Variants in RASEF observed in about 807,000 individuals in gnomAD.
The protein encoded by RASEF is RAS and EF-hand domain containing.
RASEF carries 68 observed loss-of-function variants against 90.1 expected under a neutral mutation model. The ratio of observed to expected loss-of-function variants is 0.75; its 90% CI spans 0.62 to 0.92. RASEF has a LOEUF of 0.92. Ranked by LOEUF, RASEF falls within the 40% of genes least tolerant of loss-of-function variation. The pLI, the probability that RASEF is intolerant of heterozygous loss-of-function variation, is 0.00. For synonymous variants in RASEF, 331 were observed against 345.2 expected (o/e 0.96, Z 0.46); for missense variants, 949 against 937.2 (o/e 1.01, Z -0.16).
chr9:83,174,833 T>C, the RASEF span, among the ~76,000 whole-genome samples: 1 of 152,194 alleles, frequency 6.6e-6, no homozygotes, highest in Non-Finnish European at 1.5e-5. Context: ...CTACTTTGCA[T>C]TTATTTTGTT....
the RASEF span, among the ~76,000 whole-genome samples, chr9:83,154,669 C>A: frequency 2.0e-5 from 3 of 152,226 alleles, no homozygotes; most frequent in Non-Finnish European, 4.4e-5. Flanking sequence ...TTGGCCATCT[C>A]TCTTTCTACC....
At chr9:83,194,675 AT>A in the RASEF span, among the ~76,000 whole-genome samples, 1 of 152,220 alleles carries the variant, frequency 6.6e-6, no homozygotes, top group East Asian at 1.9e-4. Context: ...TGTAGGAAAG[AT>A]TTATCTCTTC....
rs555179340 is a variant in RASEF, at chr9:83,031,131, CTT to C, written c.432-5212_432-5211del. Among the ~76,000 whole-genome samples, 553 of 152,318 alleles carry C rather than the reference CTT, an allele frequency of 3.6e-3. 2 individuals carry two copies. The highest frequency in any genetic ancestry group is 6.1e-3 in the Non-Finnish European group (413 of 68,014). On this transcript the variant is annotated intron_variant, in intron 1 of 16. Coordinates refer to ENST00000376447, the MANE Select transcript of RASEF (RefSeq NM_152573.4). ...TTGCATGAAGCCAGTAAGACTTGTT[CTT>C]TGTTACAAAGCCAGTTCTTTGTTAC...
intron 15 of RASEF, 54 bp downstream of exon 15, chr9:82,992,852 C>A: frequency 6.3e-7 from 1 of 1,584,834 alleles, no homozygotes; most frequent in Non-Finnish European, 8.6e-7. Context: ...CCACCGACTT[C>A]AAAGCCATTA....
In RASEF at chr9:83,025,755, T is replaced by A. The variant is rs549773221; in HGVS notation, c.578+20A>T. On this transcript the variant is annotated intron_variant, in intron 2 of 16. Coordinates refer to ENST00000376447, the MANE Select transcript of RASEF (RefSeq NM_152573.4). ...AGTTAAAGCACCCACAGGCCACTTA[T>A]AAAGGAAGGACTTCAATACCTCTTC... The A allele has an allele frequency of 1.2e-6, 2 of 1,611,024 alleles. No homozygotes were observed. Among genetic ancestry groups the A allele is most frequent in the African/African-American group, 2.7e-5 (2 of 74,874 alleles).
chr9:83,181,271 TA>T, the RASEF span, among the ~76,000 whole-genome samples: 1 of 151,856 alleles, frequency 6.6e-6, no homozygotes, highest in Non-Finnish European at 1.5e-5. Flanking sequence ...AAGAGTCACT[TA>T]AAGAGAAGGG....
chr9:83,156,453 G>A, the RASEF span, among the ~76,000 whole-genome samples: 3 of 152,254 alleles, frequency 2.0e-5, no homozygotes, highest in Admixed American at 2.0e-4. Flanking sequence ...TACCAGTGGT[G>A]GAATGCCCAG....
chr9:83,037,385 C>T (rs567744795), intron 1 of RASEF, among the ~76,000 whole-genome samples: 1 of 151,836 alleles, frequency 6.6e-6, no homozygotes, highest in South Asian at 2.1e-4. Flanking sequence ...ATGGAATCAA[C>T]GTTCAGGAAG....
chr9:83,079,456 A>G, the RASEF span, among the ~76,000 whole-genome samples: 2 of 152,120 alleles, frequency 1.3e-5, no homozygotes, highest in African/African-American at 4.8e-5. Context: ...GCCTTGTAGT[A>G]TAGTTTGAAG....
rs1829017865 is a variant in RASEF, at chr9:83,000,720, C to T, written c.1438-150G>A. On this transcript the variant is annotated intron_variant, in intron 10 of 16. Transcript: ENST00000376447. ...ATTAATATTAGGGAATAGAGTGACA[C>T]TGAATGGCAATCTATGAGAATTTCT... 4.4e-6 allele frequency: 4 copies of T among 911,902 alleles called. No individual in the cohort carries two copies. The South Asian group carries it at 7.1e-5, about 16-fold the overall frequency. 56.5% of individuals were successfully genotyped at this position (911,902 alleles called of 1,614,324 possible). A position where few individuals can be genotyped will look rare whatever the true frequency, so the allele number is the denominator to read the frequency against.
At chr9:83,177,838 TA>T in the RASEF span, among the ~76,000 whole-genome samples, 5 of 152,072 alleles carry the variant, frequency 3.3e-5, no homozygotes, top group Admixed American at 1.3e-4. Context: ...TTTCTTCTAA[TA>T]TTTTTTCTAG....
At chr9:83,185,178 T>C in the RASEF span, among the ~76,000 whole-genome samples, 1 of 152,084 alleles carries the variant, frequency 6.6e-6, no homozygotes, top group African/African-American at 2.4e-5. Context: ...TTTTTAATGA[T>C]AAAAATAATT....
chr9:82,998,193 GAAT>G (rs1174718208), intron 13 of RASEF, among the ~76,000 whole-genome samples, 169 bp downstream of exon 13: 1 of 152,142 alleles, frequency 6.6e-6, no homozygotes, highest in Non-Finnish European at 1.5e-5. Flanking sequence ...AGATGTGCGA[GAAT>G]ATAAGCATTT....
chr9:83,055,415 C>G, intron 1 of RASEF: 1 of 583,878 alleles, frequency 1.7e-6, no homozygotes, highest in South Asian at 1.8e-5. Flanking sequence ...GCGCACGGTG[C>G]GCGCACACAC....
In RASEF at chr9:82,981,691, T is replaced by G. The variant is rs141489767; in HGVS notation, c.*986A>C. ...GTACATTCAAACAGTTATACAACTA[T>G]CACCACTATTCCAATTCCAGAACAT... On this transcript the variant is annotated 3_prime_UTR_variant, in exon 17 of 17. Transcript: ENST00000376447. 2 of 152,298 alleles carry G rather than the reference T, an allele frequency of 1.3e-5. No individual in the cohort carries two copies. The highest frequency in any genetic ancestry group is 3.9e-4 in the East Asian group (2 of 5,178). The allele number at this position is 152,298 out of a possible 1,614,324, so 9.4% of individuals were successfully genotyped here.
intron 12 of RASEF, 133 bp downstream of exon 12, chr9:83,000,035 AC>A (rs1485960695): frequency 3.2e-6 from 2 of 628,852 alleles, no homozygotes; most frequent in East Asian, 3.0e-5. Flanking sequence ...ACACACACAC[AC>A]ATTTATATAT....
At chr9:83,005,357 A>T (rs992730271) in intron 8 of RASEF, 59 bp downstream of exon 8, 2 of 1,214,028 alleles carry the variant, frequency 1.6e-6, no homozygotes, top group Non-Finnish European at 2.4e-6. Flanking sequence ...ATTTTCATCA[A>T]CACCAAAATA....
At chr9:83,043,841 G>A (rs1360662693) in intron 1 of RASEF, among the ~76,000 whole-genome samples, 1 of 152,084 alleles carries the variant, frequency 6.6e-6, no homozygotes, top group Admixed American at 6.5e-5. Flanking sequence ...CAGGGATTCT[G>A]TTAAAATGCA....
chr9:83,159,388 T>A, the RASEF span, among the ~76,000 whole-genome samples: 1 of 152,148 alleles, frequency 6.6e-6, no homozygotes, highest in Non-Finnish European at 1.5e-5. Context: ...TGAAATATTT[T>A]AGTCAAGTAT....
Sources: gnomAD v4.1 joint callset for allele counts (sites outside exome capture counted in the v4.1 genomes callset) on GRCh38, gnomAD v4.1.1 for gene constraint, MANE v1.5 for transcripts, NCBI Gene and HGNC (gene_info 2026-07-23, HGNC 2026-07-21) for gene names.